Variants in SLC27A4 observed in about 807,000 individuals in gnomAD.
The protein encoded by SLC27A4 is long-chain fatty acid transport protein 4.
In SLC27A4, 33 loss-of-function variants were observed where a neutral mutation model predicts 64.4. The ratio of observed to expected loss-of-function variants is 0.51; its 90% CI spans 0.39 to 0.68. SLC27A4 has a LOEUF of 0.68. SLC27A4 is among the 30% of genes least tolerant of loss of function. The pLI is 0.00. For synonymous variants in SLC27A4, 377 were observed against 370.0 expected (o/e 1.02, Z -0.22); for missense variants, 824 against 883.5 (o/e 0.93, Z 0.85).
In SLC27A4 at chr9:128,340,621, T is replaced by G. The variant is rs1175685175; in HGVS notation, c.-224T>G. The G allele has an allele frequency of 1.1e-5, 2 of 175,848 alleles. No homozygotes were observed. The highest frequency in any genetic ancestry group is 1.8e-5 in the Non-Finnish European group (2 of 109,268). 10.9% of individuals were successfully genotyped at this position (175,848 alleles called of 1,614,324 possible). The stretch of plus-strand genomic sequence containing the variant: ...GTGCTGCGGCCTGGCACAGCAGGTT[T>G]GGGGTGCGGGAGGCGGGCGGGGTAG... On this transcript the variant is annotated 5_prime_UTR_variant, in exon 1 of 13. Coordinates refer to ENST00000300456, the MANE Select transcript of SLC27A4 (RefSeq NM_005094.4).
chr9:128,342,164 T>C (rs1405737305), intron 1 of SLC27A4: 2 of 1,169,162 alleles, frequency 1.7e-6, no homozygotes, highest in Non-Finnish European at 2.6e-6. Context: ...GACAACTCGG[T>C]GGTGGCCACT....
intron 3 of SLC27A4, among the ~76,000 whole-genome samples, chr9:128,347,294 G>A (rs1471894478): frequency 6.6e-6 from 1 of 152,186 alleles, no homozygotes; most frequent in Admixed American, 6.5e-5. Flanking sequence ...AGTTCAGAGG[G>A]GTTTGTGAGG....
chr9:128,350,629 C>T, intron 6 of SLC27A4, 54 bp downstream of exon 6: 2 of 1,340,242 alleles, frequency 1.5e-6, no homozygotes, highest in Non-Finnish European at 2.1e-6. Flanking sequence ...TCTAGGAACC[C>T]CACCCCCATC....
Position 128,345,057 on chromosome 9 carries a change from T to C in SLC27A4, c.162-98T>C. 3 of 1,491,272 alleles carry C rather than the reference T, an allele frequency of 2.0e-6. No homozygotes were observed. The highest frequency in any genetic ancestry group is 1.8e-6 in the Non-Finnish European group (2 of 1,084,572). 92.4% of individuals were successfully genotyped at this position (1,491,272 alleles called of 1,614,324 possible). The stretch of plus-strand genomic sequence containing the variant: ...GAAGTGTTGTAGGGGGTCTGGCTCA[T>C]GAAGCATAGGCTGGCGAGGCAGCAG... On this transcript the variant is annotated intron_variant, in intron 2 of 12. Coordinates refer to ENST00000300456, the MANE Select transcript of SLC27A4 (RefSeq NM_005094.4). This position sits in a 1 kb window ranked among gnomAD's most constrained non-coding sequence, Gnocchi z 4.1.
rs762401923 is a variant in SLC27A4 at position 128,360,495 on chromosome 9, C to T, written c.*4C>T. Reference sequence around the variant, plus strand: ...GGCAGGCGAGGAGAAGCTGTGATTCCCCCCATCCCTCTGAGGGCCGGCGGA... The same window carrying T: ...GGCAGGCGAGGAGAAGCTGTGATTCTCCCCATCCCTCTGAGGGCCGGCGGA... On this transcript the variant is annotated 3_prime_UTR_variant, in exon 13 of 13. Transcript: ENST00000300456. The T allele has an allele frequency of 1.4e-5, 23 of 1,613,444 alleles. No individual in the cohort carries two copies. Among genetic ancestry groups the T allele is most frequent in the Non-Finnish European group, 1.5e-5 (18 of 1,179,956 alleles).
chr9:128,344,042 G>A (rs567316062), intron 2 of SLC27A4, among the ~76,000 whole-genome samples: 3 of 152,266 alleles, frequency 2.0e-5, no homozygotes, highest in South Asian at 2.1e-4. Flanking sequence ...AAGAAGGCAC[G>A]GAGTGGCACA....
Position 128,355,038 on chromosome 9 carries a change from C to T in SLC27A4, c.1325-15C>T, listed in dbSNP as rs1255924303. 6.2e-7 allele frequency: 1 copy of T among 1,609,184 alleles called. No individual in the cohort carries two copies. ...GCTGCCTAGGGCAGATCTGACCCTG[C>T]CTTCCCCACCCCAGGTGAGCCGGGC... On this transcript the variant is annotated splice_polypyrimidine_tract_variant and intron_variant, in intron 9 of 12. Coordinates refer to ENST00000300456, the MANE Select transcript of SLC27A4 (RefSeq NM_005094.4).
At chr9:128,350,415 A>C in intron 5 of SLC27A4, 34 bp downstream of exon 5, 2 of 1,613,000 alleles carry the variant, frequency 1.2e-6, no homozygotes, top group Non-Finnish European at 1.7e-6. Flanking sequence ...GGGTAGGCAC[A>C]GGCAGGGCTG....
chr9:128,349,200 C>A (rs1331623341), intron 4 of SLC27A4, among the ~76,000 whole-genome samples: 1 of 152,200 alleles, frequency 6.6e-6, no homozygotes, highest in Non-Finnish European at 1.5e-5. Context: ...CCTCTCACCC[C>A]TCTTCTTTTA....
At chr9:128,352,769 G>C in intron 7 of SLC27A4, 22 bp downstream of exon 7, 1 of 1,552,014 alleles carries the variant, frequency 6.4e-7, no homozygotes, top group Non-Finnish European at 8.9e-7. Flanking sequence ...CGGGAAGGGT[G>C]AGCTGTCCCT....
At position 128,353,424 on chromosome 9, in the gene SLC27A4, T is replaced by C. The variant is rs770792971; in HGVS notation, c.1207T>C (p.Cys403Arg). 12 of 1,614,040 alleles carry C rather than the reference T, an allele frequency of 7.4e-6. No homozygotes were observed. The East Asian group carries it at 2.2e-4, about 30-fold the overall frequency. Residue 403 changes from cysteine (C) to arginine (R), a missense_variant, in exon 9 of 13, where the codon TGT (cysteine) becomes CGT (arginine). Physicochemically the swap from Cys to Arg is radical, Grantham distance 180 (BLOSUM62 -3). Coordinates refer to ENST00000300456, the MANE Select transcript of SLC27A4 (RefSeq NM_005094.4). This position sits in a 1 kb window ranked among gnomAD's most constrained non-coding sequence, Gnocchi z 4.9. ...GTCTTGGCCTTCGCAGGTGGGGGCC[T>C]GTGGTTTCAATAGCCGCATCCTGTC... The part of the protein sequence containing the change: ...LGNFDSQVGA[C>R]GFNSRILSFV...
chr9:128,343,007 A>G, intron 1 of SLC27A4, 120 bp from the exon 2 acceptor site: 1 of 1,324,284 alleles, frequency 7.6e-7, no homozygotes, highest in Non-Finnish European at 1.1e-6. Context: ...CCAACTCAGT[A>G]TGGCTAAGCC....
Position 128,355,789 on chromosome 9 carries a change from C to G in SLC27A4, c.1767C>G (p.His589Gln), listed in dbSNP as rs1403148769. The change falls in exon 12 of 13, where the codon CAC becomes CAG. Residue 589 changes from histidine (H) to glutamine (Q), a missense_variant. Transcript: ENST00000300456. Reference protein sequence around the residue: ...PIFLRLLPELHKTGTYKFQKT... With the variant: ...PIFLRLLPELQKTGTYKFQKT... ...TCCTGCGCCTCCTGCCTGAGCTGCA[C>G]AAAACAGGTGTGTCCCTCCCCTGCT... The G allele has an allele frequency of 6.2e-7, 1 of 1,613,370 alleles. No individual in the cohort carries two copies. Among genetic ancestry groups the G allele is most frequent in the Non-Finnish European group, 8.5e-7 (1 of 1,180,040 alleles).
intron 1 of SLC27A4, among the ~76,000 whole-genome samples, chr9:128,341,371 A>C (rs1832568974): frequency 6.6e-6 from 1 of 152,198 alleles, no homozygotes. Context: ...AAGCTCCAGG[A>C]ATAGAACCCA....
rs762232131 is a variant in SLC27A4 at position 128,355,755 on chromosome 9, G to A, written c.1733G>A (p.Arg578His). The A allele has an allele frequency of 2.5e-5, 41 of 1,613,642 alleles. No individual in the cohort carries two copies. The highest frequency in any genetic ancestry group is 6.7e-5 in the African/African-American group (5 of 74,928). ...GAGAAGGAACTGCCCCTGTATGCGC[G>A]CCCCATCTTCCTGCGCCTCCTGCCT... ...VLEKELPLYA[R>H]PIFLRLLPEL... The change falls in exon 12 of 13, where the codon CGC (arginine) becomes CAC (histidine). Residue 578 changes from arginine (R) to histidine (H), a missense_variant. Physicochemically the swap from Arg to His is conservative, Grantham distance 29 (BLOSUM62 0). Coordinates refer to ENST00000300456, the MANE Select transcript of SLC27A4 (RefSeq NM_005094.4).
chr9:128,350,580 C>T lies in SLC27A4; in HGVS notation c.877+5C>T, dbSNP rs1588560199. 15 of 1,608,632 alleles carry T rather than the reference C, an allele frequency of 9.3e-6. No homozygotes were observed. Among genetic ancestry groups the T allele is most frequent in the Non-Finnish European group, 1.3e-5 (15 of 1,176,826 alleles). On this transcript the variant is annotated splice_donor_5th_base_variant and intron_variant, in intron 6 of 12. Coordinates refer to ENST00000300456, the MANE Select transcript of SLC27A4 (RefSeq NM_005094.4). The stretch of plus-strand genomic sequence containing the variant: ...TCCCCCTCTACCACTCAGCAGGTAA[C>T]TCTAGGGCTGTCACACAGCCTCCAG...
In SLC27A4 at chr9:128,350,300, T is replaced by C. The variant is rs1832713308; in HGVS notation, c.716-12T>C. The C allele has an allele frequency of 6.2e-7, 1 of 1,612,320 alleles. No individual in the cohort carries two copies. Among genetic ancestry groups the C allele is most frequent in the African/African-American group, 1.3e-5 (1 of 74,926 alleles). On this transcript the variant is annotated splice_polypyrimidine_tract_variant and intron_variant, in intron 4 of 12. Transcript: ENST00000300456. ...GCTGCCCCCGACAGCCACTCGCGTC[T>C]GTTTTCTTTAGATAAACTGTTCTAC...
chr9:128,355,417 C>T lies in SLC27A4; in HGVS notation c.1482C>T (p.Asp494=), dbSNP rs781348123. Reference sequence around the variant, plus strand: ...CCCTAGGTGATGTGCTGGTGATGGACGAGCTGGGCTACCTGTACTTCCGAG... The same window carrying T: ...CCCTAGGTGATGTGCTGGTGATGGATGAGCTGGGCTACCTGTACTTCCGAG... ...AYLTGDVLVM[D]ELGYLYFRDR... Residue 494 remains aspartate (D), a synonymous_variant, in exon 11 of 13, where the codon GAC becomes GAT. Transcript: ENST00000300456. 4.6e-5 allele frequency: 74 copies of T among 1,613,520 alleles called. No homozygotes were observed. The highest frequency in any genetic ancestry group is 6.1e-5 in the Non-Finnish European group (72 of 1,180,026).
At chr9:128,346,523 C>T (rs1230103946) in intron 3 of SLC27A4, among the ~76,000 whole-genome samples, 1 of 151,904 alleles carries the variant, frequency 6.6e-6, no homozygotes, top group African/African-American at 2.4e-5. Flanking sequence ...CATGAGCCAC[C>T]ACGCCCGGCC....
Sources: gnomAD v4.1 joint callset for allele counts (sites outside exome capture counted in the v4.1 genomes callset) on GRCh38, gnomAD v4.1.1 for gene constraint, Gnocchi (gnomAD v3.1) non-coding constraint, MANE v1.5 for transcripts, NCBI Gene and HGNC (gene_info 2026-07-23, HGNC 2026-07-21) for gene names.